Variants in ANKS1B observed in about 807,000 individuals in gnomAD.
The protein encoded by ANKS1B is ankyrin repeat and sterile alpha motif domain-containing protein 1B.
A neutral mutation model predicts 148.3 loss-of-function variants in ANKS1B; 36 were observed. That is an observed-to-expected ratio of 0.24 (90% confidence interval 0.19 to 0.32). The LOEUF (loss-of-function observed/expected upper bound fraction) is 0.32. ANKS1B is among the 10% of genes least tolerant of loss of function. The pLI is 1.00. For missense variants in ANKS1B, 1,157 were observed against 1,542.6 expected (o/e 0.75, Z 4.19); for synonymous variants, 542 against 560.8 (o/e 0.97, Z 0.47).
intron 9 of ANKS1B, among the ~76,000 whole-genome samples, chr12:99,592,327 C>T (rs762044710): frequency 7.2e-5 from 11 of 151,870 alleles, no homozygotes; most frequent in Admixed American, 2.6e-4. Flanking sequence ...TAAAGTACTA[C>T]GGTTTGAAGT....
At chr12:98,743,811 G>A (rs1297106369), downstream of ANKS1B, among the ~76,000 whole-genome samples, 1 of 152,198 alleles carries the variant, frequency 6.6e-6, no homozygotes, top group Non-Finnish European at 1.5e-5. Flanking sequence ...AGAGGCCTGT[G>A]TATCTTTCTC....
rs115981047 is a variant in ANKS1B, at chr12:99,740,379, T to C, written c.1128+32543A>G. On this transcript the variant is annotated intron_variant, in intron 8 of 26. Transcript: ENST00000683438. ...CAATAAATACAGGCTACTGTTGTAA[T>C]AATAAATATTATAATGCAGCACCTC... 8.0e-3 allele frequency among the ~76,000 whole-genome samples: 1,212 copies of C among 152,240 alleles called. 17 individuals are homozygous for C. Among genetic ancestry groups the C allele is most frequent in the African/African-American group, 0.028 (1,153 of 41,540 alleles).
chr12:98,905,749 G>A (rs2099778158), intron 17 of ANKS1B, among the ~76,000 whole-genome samples: 3 of 151,970 alleles, frequency 2.0e-5, no homozygotes, highest in South Asian at 4.1e-4. Flanking sequence ...TCCAGCCTGG[G>A]TGACAAAGCA....
chr12:99,925,452 A>T (rs2094458555), intron 1 of ANKS1B, among the ~76,000 whole-genome samples: 1 of 152,196 alleles, frequency 6.6e-6, no homozygotes, highest in South Asian at 2.1e-4. Context: ...AGAATTCTTA[A>T]ATATGACCTA....
At chr12:99,379,379 T>C (rs1319807978) in intron 12 of ANKS1B, among the ~76,000 whole-genome samples, 1 of 152,224 alleles carries the variant, frequency 6.6e-6, no homozygotes, top group African/African-American at 2.4e-5. Flanking sequence ...GTCAGTTATA[T>C]GCTCTGTGCT....
intron 17 of ANKS1B, among the ~76,000 whole-genome samples, chr12:98,837,256 G>C (rs2099374463): frequency 2.0e-5 from 3 of 151,076 alleles, no homozygotes; most frequent in Non-Finnish European, 4.4e-5. Context: ...AGAATCACTT[G>C]AACCCGGGAG....
chr12:98,765,546 A>T (rs2098469247), intron 25 of ANKS1B, among the ~76,000 whole-genome samples: 1 of 151,728 alleles, frequency 6.6e-6, no homozygotes, highest in South Asian at 2.1e-4. Context: ...TTACAGGTGT[A>T]AGCCACTGCA....
chr12:98,742,064 T>C (rs2153353398), downstream of ANKS1B, among the ~76,000 whole-genome samples: 1 of 152,386 alleles, frequency 6.6e-6, no homozygotes, highest in Admixed American at 6.5e-5. Context: ...GCTCTTACTG[T>C]GGTGATGAGA....
chr12:99,555,875 G>A (rs983544662), intron 9 of ANKS1B, among the ~76,000 whole-genome samples: 5 of 152,144 alleles, frequency 3.3e-5, no homozygotes, highest in African/African-American at 1.2e-4. Flanking sequence ...TGTTCATCAA[G>A]GATATTGGCC....
intron 20 of ANKS1B, 43 bp downstream of exon 20, chr12:98,807,801 T>C (rs2099062565): frequency 2.6e-6 from 4 of 1,558,404 alleles, no homozygotes; most frequent in Non-Finnish European, 3.5e-6. Flanking sequence ...ACACAGTACA[T>C]AGCGCAAGTT....
At chr12:99,174,489 A>T (rs922803151) in intron 14 of ANKS1B, among the ~76,000 whole-genome samples, 4 of 152,206 alleles carry the variant, frequency 2.6e-5, no homozygotes, top group Non-Finnish European at 5.9e-5. Context: ...CCCCTGGCCA[A>T]AATGTTTCAT....
chr12:99,062,788 T>C (rs889999825), intron 16 of ANKS1B, among the ~76,000 whole-genome samples: 3 of 152,254 alleles, frequency 2.0e-5, no homozygotes, highest in South Asian at 2.1e-4. Flanking sequence ...GTCAGAGTCA[T>C]AAAACAGTTA....
chr12:99,747,060 A>T (rs948166927), intron 8 of ANKS1B, among the ~76,000 whole-genome samples: 3 of 152,002 alleles, frequency 2.0e-5, no homozygotes, highest in African/African-American at 7.3e-5. Flanking sequence ...ACTCCCAAAA[A>T]TGGGACCCTT....
At chr12:99,250,302 C>A (rs1024511813) in intron 12 of ANKS1B, among the ~76,000 whole-genome samples, 2 of 152,138 alleles carry the variant, frequency 1.3e-5, no homozygotes, top group Admixed American at 6.5e-5. Context: ...ACTATGGGCT[C>A]TACGATTGTT....
At chr12:99,464,889 C>T (rs1433914560) in intron 10 of ANKS1B, among the ~76,000 whole-genome samples, 1 of 152,206 alleles carries the variant, frequency 6.6e-6, no homozygotes, top group African/African-American at 2.4e-5. Context: ...TGTAGGAGAA[C>T]TTCCCCAATC....
chr12:99,364,836 C>A (rs770992787), intron 12 of ANKS1B, among the ~76,000 whole-genome samples: 7 of 152,194 alleles, frequency 4.6e-5, no homozygotes, highest in Non-Finnish European at 1.0e-4. Context: ...TATACTCCCA[C>A]CTTCCACAAA....
intron 8 of ANKS1B, among the ~76,000 whole-genome samples, chr12:99,676,713 G>A (rs1171450962): frequency 6.6e-6 from 1 of 152,000 alleles, no homozygotes; most frequent in Non-Finnish European, 1.5e-5. Context: ...TTCTTTTTAG[G>A]CCTTTGCTTC....
chr12:99,473,292 C>T (rs980082429), intron 10 of ANKS1B, among the ~76,000 whole-genome samples: 7 of 151,812 alleles, frequency 4.6e-5, no homozygotes, highest in African/African-American at 1.2e-4. Flanking sequence ...TATAATCCTA[C>T]TGTTTTATTT....
intron 12 of ANKS1B, chr12:99,344,768 A>T (rs1278984035): frequency 6.6e-6 from 1 of 152,024 alleles, no homozygotes; most frequent in African/African-American, 2.4e-5. Context: ...AAATGTATTA[A>T]TATTTCAATT....
Sources: allele counts gnomAD v4.1 joint callset (sites outside exome capture counted in the v4.1 genomes callset), GRCh38; gene constraint gnomAD v4.1.1; transcripts MANE v1.5; gene names NCBI Gene and HGNC (gene_info 2026-07-23, HGNC 2026-07-21).